GIGYF1: variants seen among roughly 807,000 people sequenced by gnomAD.
The protein encoded by GIGYF1 is GRB10 interacting GYF protein 1.
In GIGYF1, 84 loss-of-function variants were observed where a neutral mutation model predicts 147.1. The observed-to-expected ratio is 0.57, with a 90% CI of 0.48 to 0.68. The LOEUF is 0.68. Among genes scored for constraint, GIGYF1 ranks in the 30% least tolerant of loss-of-function variants. The pLI, the probability that GIGYF1 is intolerant of heterozygous loss-of-function variation, is 0.00. For missense variants in GIGYF1, 1,485 were observed against 1,393.7 expected, an observed-to-expected ratio of 1.07 and a Z score of -1.04; for synonymous variants, 752 against 589.5, an observed-to-expected ratio of 1.28 and a Z score of -3.99.
chr7:100,685,485 G>T lies in GIGYF1; in HGVS notation c.1055-4C>A. The stretch of plus-strand genomic sequence containing the variant: ...AGTGGGGTCAGCTCTTTCCCACCTA[G>T]AAGAGGGAGATGGCCAGAGTTCAGA... On this transcript the variant is annotated splice_region_variant and splice_polypyrimidine_tract_variant and intron_variant, in intron 12 of 26. Transcript: ENST00000678049. The T allele has an allele frequency of 6.3e-7, 1 of 1,598,214 alleles. No individual in the cohort carries two copies. The highest frequency in any genetic ancestry group is 8.5e-7 in the Non-Finnish European group (1 of 1,176,200).
chr7:100,682,887 G>T, intron 22 of GIGYF1, 110 bp from the exon 23 acceptor site: 2 of 1,279,048 alleles, frequency 1.6e-6, no homozygotes, highest in Non-Finnish European at 2.1e-6. Context: ...GGCCACAAGA[G>T]CTGTTGCCAT....
rs1198856403 is a variant in GIGYF1, at chr7:100,685,372, A to G, written c.1164T>C (p.Thr388=). The G allele has an allele frequency of 1.3e-6, 2 of 1,598,184 alleles. No homozygotes were observed. The highest frequency in any genetic ancestry group is 2.3e-5 in the South Asian group (2 of 88,830). ...CGGCCGCTGGGGGCTCTTTCTCTGC[A>G]GTTTCGTCCCCATCCCCGTTTGTCC... is the stretch of plus-strand genomic sequence containing the variant. ...LWGTNGDGDE[T]AEKEPPAAED... The change falls in exon 13 of 27, where the codon ACT becomes ACC. Residue 388 remains threonine, a synonymous_variant. Coordinates refer to ENST00000678049, the MANE Select transcript of GIGYF1 (RefSeq NM_001375765.1).
rs754258935 is a variant in GIGYF1, at chr7:100,683,791, G to A, written c.1969+27C>T. The A allele has an allele frequency of 3.2e-6, 5 of 1,578,118 alleles. No homozygotes were observed. The South Asian group carries it at 5.6e-5, about 18-fold the overall frequency. On this transcript the variant is annotated intron_variant, in intron 19 of 26. Transcript: ENST00000678049. ...CCCATTTCACCCGGAGACTGCCTTGGGGGTGGGGACCAGTCAGGCCACACA... is the reference window on the plus strand; with the variant it reads ...CCCATTTCACCCGGAGACTGCCTTGAGGGTGGGGACCAGTCAGGCCACACA...
chr7:100,684,807 G>A lies in GIGYF1; in HGVS notation c.1378C>T (p.His460Tyr). The change falls in exon 15 of 27, where the codon CAC (histidine) becomes TAC (tyrosine). Residue 460 changes from histidine (H) to tyrosine (Y), a missense_variant. His to Tyr is a moderately conservative substitution (Grantham distance 83, BLOSUM62 2). Transcript: ENST00000678049. ...TAAMQTQGLR[H>Y]SAAATALPLS... The stretch of plus-strand genomic sequence containing the variant: ...GGGAGGGCAGTGGCGGCTGCAGAGT[G>A]GCGCAGGCCCTGGGTCTGCATGGCA... 1 of 1,610,910 alleles carries A rather than the reference G, an allele frequency of 6.2e-7. No individual in the cohort carries two copies. The highest frequency in any genetic ancestry group is 8.5e-7 in the Non-Finnish European group (1 of 1,178,866).
chr7:100,682,502 C>T lies in GIGYF1; in HGVS notation c.2601-20G>A, dbSNP rs570404146. ...GAGTCACTGAAGGGGGAGGGTGAGT[C>T]AGGGTTGGAAATCAGCTGGCAGGGG... On this transcript the variant is annotated intron_variant, in intron 23 of 26. Transcript: ENST00000678049. The T allele has an allele frequency of 1.7e-5, 28 of 1,608,532 alleles. No homozygotes were observed. Among genetic ancestry groups the T allele is most frequent in the Admixed American group, 5.0e-5 (3 of 59,960 alleles).
chr7:100,682,703 G>C lies in GIGYF1; in HGVS notation c.2487C>G (p.Asp829Glu), dbSNP rs749666868. ...SEAGPLWGGP[D>E]KSGGGSSGLG... is the part of the protein sequence containing the mutation. ...GGCCGCTGCTGCCGCCCCCACTCTT[G>C]TCTGGCCCGCCCCACAGTGGCCCAG... The change falls in exon 23 of 27, where the codon GAC becomes GAG. Residue 829 changes from aspartate (D) to glutamate (E), a missense_variant. Asp to Glu is a conservative substitution (Grantham distance 45). Transcript: ENST00000678049. 4 of 1,591,284 alleles carry C rather than the reference G, an allele frequency of 2.5e-6. No individual in the cohort carries two copies. The highest frequency in any genetic ancestry group is 3.4e-6 in the Non-Finnish European group (4 of 1,169,238).
intron 1 of GIGYF1, among the ~76,000 whole-genome samples, chr7:100,691,506 A>ATTTATTT (rs1805821242): frequency 1.4e-5 from 2 of 147,620 alleles, no homozygotes; most frequent in Non-Finnish European, 1.5e-5. Flanking sequence ...AAAAGAATAG[A>ATTTATTT]TTTTTTTTTT....
At chr7:100,684,216 C>T (rs1462349853) in intron 17 of GIGYF1, 21 bp downstream of exon 17, 30 of 1,609,794 alleles carry the variant, frequency 1.9e-5, no homozygotes, top group Non-Finnish European at 2.5e-5. Flanking sequence ...CTTCTCCCAG[C>T]CCACCCCAGG....
chr7:100,682,712 GC>G lies in GIGYF1; in HGVS notation c.2477del (p.Gly826AlafsTer32). 6.3e-7 allele frequency: 1 copy of G among 1,580,160 alleles called. No individual in the cohort carries two copies. Among genetic ancestry groups the G allele is most frequent in the Non-Finnish European group, 8.6e-7 (1 of 1,163,864 alleles). On this transcript the variant is annotated frameshift_variant, in exon 23 of 27. Coordinates refer to ENST00000678049, the MANE Select transcript of GIGYF1 (RefSeq NM_001375765.1). LOFTEE classifies it high-confidence loss of function. ...TGCCGCCCCCACTCTTGTCTGGCCCGCCCCACAGTGGCCCAGCCTCAGACAC... is the reference window on the plus strand; with the variant it reads ...TGCCGCCCCCACTCTTGTCTGGCCCGCCCACAGTGGCCCAGCCTCAGACAC... ...QWVSEAGPLW[G>X]GPDKSGGGSS...
In GIGYF1 at chr7:100,681,608, CGCCCCTGCCTCTTCCT is replaced by C. The variant is rs1277028460; in HGVS notation, c.*95_*110del. On this transcript the variant is annotated 3_prime_UTR_variant, in exon 27 of 27. Coordinates refer to ENST00000678049, the MANE Select transcript of GIGYF1 (RefSeq NM_001375765.1). ...TGTTTGTAACAAGTGCTGGGGACCC[CGCCCCTGCCTCTTCCT>C]GTGCTCTCTGCGGGGAGCCTGCAGG... is the stretch of plus-strand genomic sequence containing the variant. 2 of 1,008,356 alleles carry C rather than the reference CGCCCCTGCCTCTTCCT, an allele frequency of 2.0e-6. No individual in the cohort carries two copies. Among genetic ancestry groups the C allele is most frequent in the Admixed American group, 3.1e-5 (1 of 32,306 alleles). 62.5% of individuals were successfully genotyped at this position (1,008,356 alleles called of 1,614,324 possible).
At chr7:100,686,886 T>A in intron 9 of GIGYF1, 67 bp from the exon 10 acceptor site, 3 of 1,473,286 alleles carry the variant, frequency 2.0e-6, no homozygotes, top group East Asian at 5.0e-5. Flanking sequence ...TCAAGAAACG[T>A]TGGGGGGGCC....
Position 100,683,819 on chromosome 7 carries a change from T to C in GIGYF1, c.1968A>G (p.Ser656=). Residue 656 remains serine, a splice_region_variant and synonymous_variant, in exon 19 of 27, where the codon TCA becomes TCG. Transcript: ENST00000678049. Reference sequence around the variant, plus strand: ...GTGGGGACCAGTCAGGCCACACACCTGACTGTGATGAGGCTGAGGTATGTA... The same window carrying C: ...GTGGGGACCAGTCAGGCCACACACCCGACTGTGATGAGGCTGAGGTATGTA... The part of the protein sequence containing the change: ...WDVHTSASSQ[S]GGEASLWDIP... 6.3e-7 allele frequency: 1 copy of C among 1,574,980 alleles called. No homozygotes were observed. The highest frequency in any genetic ancestry group is 8.6e-7 in the Non-Finnish European group (1 of 1,159,640).
chr7:100,682,819 C>A (rs1447764485), intron 22 of GIGYF1, 42 bp from the exon 23 acceptor site: 3 of 1,503,978 alleles, frequency 2.0e-6, no homozygotes, highest in Non-Finnish European at 2.7e-6. Flanking sequence ...ACAAAGGCAC[C>A]CCAGAAAAGC....
chr7:100,683,730 C>G lies in GIGYF1; in HGVS notation c.1969+88G>C. 2.6e-6 allele frequency: 4 copies of G among 1,555,104 alleles called. No individual in the cohort carries two copies. In the South Asian group the frequency reaches 3.3e-5, roughly 13 times the overall value. ...GTGGGCTCCCCAGCCAGAATGGCAG[C>G]TAGGGGCGTGTGGGGGTGGGGAGCA... On this transcript the variant is annotated intron_variant, in intron 19 of 26. Transcript: ENST00000678049.
intron 12 of GIGYF1, 129 bp from the exon 13 acceptor site, chr7:100,685,610 G>A (rs1463256718): frequency 4.9e-6 from 5 of 1,029,992 alleles, no homozygotes; most frequent in Non-Finnish European, 7.0e-6. Context: ...CTTCACTTGG[G>A]TCAACTCAAC....
chr7:100,685,717 C>T (rs1352172072), intron 12 of GIGYF1, among the ~76,000 whole-genome samples: 1 of 152,196 alleles, frequency 6.6e-6, no homozygotes, highest in Non-Finnish European at 1.5e-5. Flanking sequence ...CACAACACCG[C>T]AGACGTCACT....
At chr7:100,687,947 C>T (rs774745112) in intron 5 of GIGYF1, 34 bp downstream of exon 5, 2 of 1,609,904 alleles carry the variant, frequency 1.2e-6, no homozygotes, top group Admixed American at 1.7e-5. Flanking sequence ...AGGCAGAGGC[C>T]ACCACCGCCA....
intron 3 of GIGYF1, 64 bp from the exon 4 acceptor site, chr7:100,688,371 C>A: frequency 1.3e-6 from 1 of 794,420 alleles, no homozygotes; most frequent in Non-Finnish European, 2.1e-6. Context: ...GCAGGGAGGA[C>A]ACCATGGGGG....
intron 14 of GIGYF1, 54 bp from the exon 15 acceptor site, chr7:100,684,948 G>A (rs1418924429): frequency 5.0e-6 from 8 of 1,585,586 alleles, no homozygotes; most frequent in Non-Finnish European, 6.0e-6. Flanking sequence ...GCAACATCAG[G>A]ATGGGGATGG....
Sources: gnomAD v4.1 joint callset for allele counts (sites outside exome capture counted in the v4.1 genomes callset) on GRCh38, gnomAD v4.1.1 for gene constraint, MANE v1.5 for transcripts, NCBI Gene and HGNC (gene_info 2026-07-23, HGNC 2026-07-21) for gene names.